Variants in CENPI observed in about 807,000 individuals in gnomAD.
CENPI encodes the protein FSH primary response 1.
In CENPI, 4 loss-of-function variants were observed where a neutral mutation model predicts 60.4. The ratio of observed to expected loss-of-function variants is 0.07; its 90% confidence interval spans 0.03 to 0.15. The LOEUF is 0.15. Among genes scored for constraint, CENPI ranks in the 10% least tolerant of loss-of-function variants. The pLI is 1.00. For synonymous variants in CENPI, 157 were observed against 189.4 expected (o/e 0.83, Z 1.40); for missense variants, 444 against 534.5 (o/e 0.83, Z 1.67).
At chrX:101,175,852 C>T in the CENPI span, among the ~76,000 whole-genome samples, 22 of 111,288 alleles carry the variant, frequency 2.0e-4, no homozygotes, top group Non-Finnish European at 4.0e-4. Flanking sequence ...TAGTTACCCT[C>T]CTGTGCTGTC....
intron 20 of CENPI, 68 bp downstream of exon 20, chrX:101,148,229 A>G: frequency 9.1e-6 from 8 of 881,529 alleles, no homozygotes; most frequent in Non-Finnish European, 1.1e-5. Flanking sequence ...AGGAAGTGCC[A>G]TAAATTTAAT....
intron 4 of CENPI, 50 bp downstream of exon 4, chrX:101,102,461 A>AT: frequency 1.1e-6 from 1 of 879,580 alleles, no homozygotes; most frequent in Non-Finnish European, 1.5e-6. Context: ...TAGCACCTAT[A>AT]TTTTTTTCTT....
intron 20 of CENPI, 42 bp downstream of exon 20, chrX:101,148,203 C>T (rs145660857): frequency 0.053 from 53,722 of 1,019,314 alleles, 1,157 homozygotes; most frequent in Non-Finnish European, 0.063. Context: ...TATCTTAATA[C>T]TGTGGTGGCA....
intron 8 of CENPI, 92 bp downstream of exon 8, chrX:101,120,876 CTTT>C (rs368295326): frequency 9.9e-3 from 4,789 of 483,923 alleles, no homozygotes; most frequent in Non-Finnish European, 0.011. Flanking sequence ...AACTCTTGAT[CTTT>C]TTTTTTTTTT....
chrX:101,119,348 G>A (rs1443081617), intron 6 of CENPI, among the ~76,000 whole-genome samples: 2 of 111,863 alleles, frequency 1.8e-5, no homozygotes, highest in African/African-American at 6.5e-5. Flanking sequence ...TTTAAAGAAA[G>A]TCTTTGCTCT....
chrX:101,175,048 G>A, the CENPI span, among the ~76,000 whole-genome samples: 1 of 111,336 alleles, frequency 9.0e-6, no homozygotes, highest in African/African-American at 3.3e-5. Flanking sequence ...TGGAGGTTGC[G>A]GTGAACCAAG....
downstream of CENPI, among the ~76,000 whole-genome samples, chrX:101,170,238 G>A (rs1165290444): frequency 8.9e-6 from 1 of 111,959 alleles, no homozygotes; most frequent in East Asian, 2.8e-4. Context: ...CAAATACATT[G>A]TGTTTCAGTT....
downstream of CENPI, among the ~76,000 whole-genome samples, chrX:101,169,320 C>A (rs1569505335): frequency 8.9e-6 from 1 of 112,315 alleles, no homozygotes; most frequent in Non-Finnish European, 1.9e-5. Flanking sequence ...ATAAGCAAAT[C>A]AAATCCAGCA....
chrX:101,167,134 C>G (rs1477589523), downstream of CENPI, among the ~76,000 whole-genome samples: 1 of 112,562 alleles, frequency 8.9e-6, no homozygotes, highest in Non-Finnish European at 1.9e-5. Flanking sequence ...GCTATGGTGT[C>G]ACACATAACT....
At chrX:101,170,774 G>A (rs1293375779), downstream of CENPI, among the ~76,000 whole-genome samples, 2 of 111,221 alleles carry the variant, frequency 1.8e-5, no homozygotes, top group Non-Finnish European at 3.8e-5. Flanking sequence ...TGGGACTACA[G>A]ACATGTGTCA....
chrX:101,127,418 A>G (rs1312865990), intron 10 of CENPI, 80 bp from the exon 11 acceptor site: 2 of 962,084 alleles, frequency 2.1e-6, no homozygotes, highest in South Asian at 2.8e-5. Context: ...TTTAATTGAA[A>G]CACCTTACCA....
chrX:101,151,570 G>A (rs1310270360), intron 20 of CENPI, among the ~76,000 whole-genome samples: 2 of 111,458 alleles, frequency 1.8e-5, no homozygotes, highest in East Asian at 5.6e-4. Flanking sequence ...GGTGGCTCAC[G>A]CCTGTAATCG....
chrX:101,135,321 G>C (rs1032757155), intron 15 of CENPI, among the ~76,000 whole-genome samples: 4 of 111,021 alleles, frequency 3.6e-5, no homozygotes, highest in African/African-American at 1.3e-4. Context: ...GGTATTGATG[G>C]CAGGACATGA....
At chrX:101,162,788 T>A in intron 21 of CENPI, 45 bp from the exon 22 acceptor site, 1 of 1,184,518 alleles carries the variant, frequency 8.4e-7, no homozygotes, top group Non-Finnish European at 1.1e-6. Flanking sequence ...AGAAAAAGCA[T>A]AGTAAAATAT....
At chrX:101,158,470 GT>G (rs1237683469) in intron 20 of CENPI, among the ~76,000 whole-genome samples, 5 of 109,136 alleles carry the variant, frequency 4.6e-5, no homozygotes, top group African/African-American at 1.7e-4. Flanking sequence ...TAGAGACGGA[GT>G]TTCACCATGT....
chrX:101,168,849 A>G (rs1398595511), downstream of CENPI, among the ~76,000 whole-genome samples: 1 of 111,939 alleles, frequency 8.9e-6, no homozygotes, highest in East Asian at 2.8e-4. Flanking sequence ...CCAGAGCTGC[A>G]GCAGTGTAGT....
At chrX:101,155,794 A>G (rs142729981) in intron 20 of CENPI, among the ~76,000 whole-genome samples, 2 of 111,931 alleles carry the variant, frequency 1.8e-5, no homozygotes, top group East Asian at 5.6e-4. Context: ...TTGGAAACAA[A>G]CAGATTTGAC....
At chrX:101,125,377 G>C (rs770759349) in intron 8 of CENPI, among the ~76,000 whole-genome samples, 78 of 111,295 alleles carry the variant, frequency 7.0e-4, no homozygotes, top group African/African-American at 2.3e-3. Context: ...CTTGTGCTTT[G>C]CTTTATCCTT....
downstream of CENPI, among the ~76,000 whole-genome samples, chrX:101,169,213 AG>A (rs1314781340): frequency 8.9e-6 from 1 of 112,397 alleles, no homozygotes; most frequent in African/African-American, 3.2e-5. Context: ...CCAGAAGAGG[AG>A]AGAAGGGGAC....
Sources: gnomAD v4.1 joint callset for allele counts (sites outside exome capture counted in the v4.1 genomes callset) on GRCh38, gnomAD v4.1.1 for gene constraint, MANE v1.5 for transcripts, NCBI Gene and HGNC (gene_info 2026-07-23, HGNC 2026-07-21) for gene names.